Variants in FLRT2 observed in about 807,000 individuals in gnomAD.
FLRT2 encodes the protein leucine-rich repeat transmembrane protein FLRT2.
A neutral mutation model predicts 40.0 loss-of-function variants in FLRT2; 15 were observed. The ratio of observed to expected loss-of-function variants is 0.38; its 90% CI spans 0.25 to 0.58. The LOEUF (loss-of-function observed/expected upper bound fraction) is 0.58, where lower values mean the gene tolerates loss of function less well. FLRT2 is among the 20% of genes least tolerant of loss of function. The pLI is 0.71. For missense variants in FLRT2, 726 were observed against 840.0 expected, an observed-to-expected ratio of 0.86 and a Z score of 1.68; for synonymous variants, 380 against 336.8, an observed-to-expected ratio of 1.13 and a Z score of -1.41.
chr14:85,612,367 A>G (rs972597677), intron 1 of FLRT2, among the ~76,000 whole-genome samples: 10 of 152,310 alleles, frequency 6.6e-5, no homozygotes, highest in Admixed American at 5.9e-4. Flanking sequence ...CCACCACTAT[A>G]GATTATTTTA....
chr14:85,615,300 C>A (rs1893073461), intron 1 of FLRT2, among the ~76,000 whole-genome samples: 1 of 152,146 alleles, frequency 6.6e-6, no homozygotes. Flanking sequence ...CAAGTTACCC[C>A]CATTACTCCA....
chr14:85,562,616 C>CTTCCTTT (rs72527659), intron 1 of FLRT2: 1 of 24,910 alleles, frequency 4.0e-5, no homozygotes, highest in Non-Finnish European at 7.7e-5. Flanking sequence ...ACCTTTCTTT[C>CTTCCTTT]TTTCTTTTTT....
At position 85,648,201 on chromosome 14, in the gene FLRT2, G is replaced by A. The variant is rs1204123721; in HGVS notation, c.*24704G>A. On this transcript the variant is annotated 3_prime_UTR_variant, in exon 2 of 2. Transcript: ENST00000330753. The stretch of plus-strand genomic sequence containing the variant: ...GGAATAGTTACTGTATGTTAGGCAG[G>A]TGCATGTTGTTATTGCTACTTTTTT... 1 of 152,072 alleles carries A rather than the reference G, an allele frequency of 6.6e-6. No individual in the cohort carries two copies. The highest frequency in any genetic ancestry group is 1.5e-5 in the Non-Finnish European group (1 of 68,018). 9.4% of individuals were successfully genotyped at this position (152,072 alleles called of 1,614,324 possible). A position where few individuals can be genotyped will look rare whatever the true frequency, so the allele number is the denominator to read the frequency against.
intron 1 of FLRT2, among the ~76,000 whole-genome samples, chr14:85,578,508 A>C (rs1369241842): frequency 6.6e-6 from 1 of 152,120 alleles, no homozygotes; most frequent in Non-Finnish European, 1.5e-5. Context: ...ACGGATGGCT[A>C]AGTGCTGTCT....
intron 1 of FLRT2, among the ~76,000 whole-genome samples, chr14:85,586,641 A>G (rs1891627687): frequency 1.3e-5 from 2 of 152,194 alleles, no homozygotes; most frequent in Admixed American, 1.3e-4. Context: ...TTAGGAATTG[A>G]AAATACGGTA....
chr14:85,568,940 C>T (rs147820652), intron 1 of FLRT2, among the ~76,000 whole-genome samples: 64 of 152,294 alleles, frequency 4.2e-4, no homozygotes, highest in African/African-American at 1.5e-3. Flanking sequence ...TCTTTTCCCT[C>T]GTCTCCCTTC....
Position 85,640,285 on chromosome 14 carries a change from A to G in FLRT2, c.*16788A>G, listed in dbSNP as rs1894121309. On this transcript the variant is annotated 3_prime_UTR_variant, in exon 2 of 2. Transcript: ENST00000330753. ...GGCCAACCTGAATACTTTATTTCCA[A>G]AACTGTATATTTTATCAGGACAGTA... The G allele has an allele frequency of 6.6e-6, 1 of 152,184 alleles. No individual in the cohort carries two copies. Among genetic ancestry groups the G allele is most frequent in the Non-Finnish European group, 1.5e-5 (1 of 68,040 alleles). 9.4% of individuals were successfully genotyped at this position (152,184 alleles called of 1,614,324 possible).
chr14:85,641,864 A>T lies in FLRT2; in HGVS notation c.*18367A>T, dbSNP rs1016671928. 5 of 152,076 alleles carry T rather than the reference A, an allele frequency of 3.3e-5. 1 individual carries two copies. The highest frequency in any genetic ancestry group is 1.2e-4 in the African/African-American group (5 of 41,464). The allele number at this position is 152,076 out of a possible 1,614,324, so 9.4% of individuals were successfully genotyped here. Reference sequence around the variant, plus strand: ...TAATTTTTGGCTTGCAATGAGAAAAAAAAATCAGCAGCTGAAATTATTACC... The same window carrying T: ...TAATTTTTGGCTTGCAATGAGAAAATAAAATCAGCAGCTGAAATTATTACC... On this transcript the variant is annotated 3_prime_UTR_variant, in exon 2 of 2. Transcript: ENST00000330753.
chr14:85,652,475 T>G lies in FLRT2; in HGVS notation c.*28978T>G, dbSNP rs1894455995. ...TTGTTTGTTGCCATAGGAAAATTCT[T>G]TTTTGAGAATTTTTTTCTTATAACG... On this transcript the variant is annotated 3_prime_UTR_variant, in exon 2 of 2. Coordinates refer to ENST00000330753, the MANE Select transcript of FLRT2 (RefSeq NM_013231.6). 6.6e-6 allele frequency: 1 copy of G among 152,104 alleles called. No individual in the cohort carries two copies. Among genetic ancestry groups the G allele is most frequent in the South Asian group, 2.1e-4 (1 of 4,826 alleles). 9.4% of individuals were successfully genotyped at this position (152,104 alleles called of 1,614,324 possible).
Position 85,621,707 on chromosome 14 carries a change from G to C in FLRT2, c.193G>C (p.Val65Leu), listed in dbSNP as rs200776611. 1.7e-5 allele frequency: 27 copies of C among 1,613,978 alleles called. No homozygotes were observed. Among genetic ancestry groups the C allele is most frequent in the Non-Finnish European group, 2.1e-5 (25 of 1,180,038 alleles). ...TSVPLGIPEG[V>L]TVLYLHNNQI... is the part of the protein sequence containing the mutation. The stretch of plus-strand genomic sequence containing the variant: ...AGTGCCTCTTGGGATCCCGGAGGGC[G>C]TAACTGTACTCTACCTCCACAACAA... Residue 65 changes from valine (V) to leucine (L), a missense_variant, in exon 2 of 2, where the codon GTA becomes CTA. Val to Leu is a conservative substitution (Grantham distance 32). Coordinates refer to ENST00000330753, the MANE Select transcript of FLRT2 (RefSeq NM_013231.6).
Position 85,632,758 on chromosome 14 carries a change from T to C in FLRT2, c.*9261T>C, listed in dbSNP as rs1272661580. 6.6e-6 allele frequency: 1 copy of C among 152,202 alleles called. No homozygotes were observed. Among genetic ancestry groups the C allele is most frequent in the Non-Finnish European group, 1.5e-5 (1 of 68,036 alleles). The allele number at this position is 152,202 out of a possible 1,614,324, so 9.4% of individuals were successfully genotyped here. A position where few individuals can be genotyped will look rare whatever the true frequency, so the allele number is the denominator to read the frequency against. On this transcript the variant is annotated 3_prime_UTR_variant, in exon 2 of 2. Transcript: ENST00000330753. ...ATAGTCTTTCCTAGAAATGATATGC[T>C]TGTAAAGAAGGGAGTGGAGAGTGGT... is the stretch of plus-strand genomic sequence containing the variant.
intron 1 of FLRT2, among the ~76,000 whole-genome samples, chr14:85,544,420 T>A (rs923226239): frequency 6.6e-6 from 1 of 152,230 alleles, no homozygotes; most frequent in Non-Finnish European, 1.5e-5. Flanking sequence ...TGTGTATCTG[T>A]CTTGGCATAA....
Position 85,629,032 on chromosome 14 carries a change from A to G in FLRT2, c.*5535A>G, listed in dbSNP as rs1291498240. On this transcript the variant is annotated 3_prime_UTR_variant, in exon 2 of 2. Transcript: ENST00000330753. ...AATCTCTTCATCTGATATATTTACTATTCATCTACTTTCTACAGCACTATG... is the reference window on the plus strand; with the variant it reads ...AATCTCTTCATCTGATATATTTACTGTTCATCTACTTTCTACAGCACTATG... 6.6e-6 allele frequency: 1 copy of G among 152,152 alleles called. No homozygotes were observed. The highest frequency in any genetic ancestry group is 2.4e-5 in the African/African-American group (1 of 41,438). The allele number at this position is 152,152 out of a possible 1,614,324, so 9.4% of individuals were successfully genotyped here.
intron 1 of FLRT2, among the ~76,000 whole-genome samples, chr14:85,540,307 G>A (rs867645384): frequency 1.3e-5 from 2 of 152,128 alleles, no homozygotes; most frequent in African/African-American, 2.4e-5. Flanking sequence ...TGAAGCCAAC[G>A]TGTATTCCAA....
chr14:85,536,571 T>C (rs183395924), intron 1 of FLRT2, among the ~76,000 whole-genome samples: 1 of 152,296 alleles, frequency 6.6e-6, no homozygotes, highest in African/African-American at 2.4e-5. Flanking sequence ...AACTTTGTGA[T>C]TTCTGCTACA....
At chr14:85,553,961 GTAGGGTAGA>G (rs1331396253) in intron 1 of FLRT2, among the ~76,000 whole-genome samples, 1 of 152,134 alleles carries the variant, frequency 6.6e-6, no homozygotes, top group Admixed American at 6.5e-5. Context: ...CACTTAAAGG[GTAGGGTAGA>G]TACTTGTCAA....
At chr14:85,559,301 T>C (rs558277311) in intron 1 of FLRT2, 1 of 152,288 alleles carries the variant, frequency 6.6e-6, no homozygotes, top group South Asian at 2.1e-4. Flanking sequence ...AGAGGGGCCC[T>C]TTCTCCTTCG....
intron 1 of FLRT2, among the ~76,000 whole-genome samples, chr14:85,589,415 TG>T (rs748094068): frequency 4.6e-5 from 7 of 152,356 alleles, no homozygotes; most frequent in Admixed American, 2.0e-4. Flanking sequence ...TTTCTTCTTT[TG>T]AGAAATGTCT....
chr14:85,645,713 T>C lies in FLRT2; in HGVS notation c.*22216T>C, dbSNP rs1894282040. Reference sequence around the variant, plus strand: ...CAGAGATTCAGTAGATAAGGTGATCTATTATATGGATGTCAAGCTGTCCTT... The same window carrying C: ...CAGAGATTCAGTAGATAAGGTGATCCATTATATGGATGTCAAGCTGTCCTT... On this transcript the variant is annotated 3_prime_UTR_variant, in exon 2 of 2. Transcript: ENST00000330753. 1 of 152,198 alleles carries C rather than the reference T, an allele frequency of 6.6e-6. No individual in the cohort carries two copies. The highest frequency in any genetic ancestry group is 2.4e-5 in the African/African-American group (1 of 41,448). 9.4% of individuals were successfully genotyped at this position (152,198 alleles called of 1,614,324 possible). A position where few individuals can be genotyped will look rare whatever the true frequency, so the allele number is the denominator to read the frequency against.
Sources: gnomAD v4.1 joint callset for allele counts (sites outside exome capture counted in the v4.1 genomes callset) on GRCh38, gnomAD v4.1.1 for gene constraint, MANE v1.5 for transcripts, NCBI Gene and HGNC (gene_info 2026-07-23, HGNC 2026-07-21) for gene names.